CDH23: variants seen among roughly 807,000 people sequenced by gnomAD.
CDH23 encodes cadherin related 23, also known as cadherin-23.
CDH23 carries 189 observed loss-of-function variants against 317.1 expected under a neutral mutation model. The observed-to-expected ratio is 0.60, with a 90% CI of 0.53 to 0.67. CDH23 has a LOEUF of 0.67. Ranked by LOEUF, CDH23 falls within the 30% of genes least tolerant of loss-of-function variation. CDH23 has a pLI of 0.00. For synonymous variants in CDH23, 1,839 were observed against 1,876.8 expected (o/e 0.98, Z 0.52); for missense variants, 4,401 against 4,592.4 (o/e 0.96, Z 1.20).
Position 71,668,052 on chromosome 10 carries a change from G to C in CDH23, c.1450-7060G>C, listed in dbSNP as rs113913198. ...CCTGCACAGACCAAGACCAAGCCTG[G>C]GATGGGGTGGAGTCCTTCTTTAAGG... On this transcript the variant is annotated intron_variant, in intron 14 of 69. Coordinates refer to ENST00000224721, the MANE Select transcript of CDH23 (RefSeq NM_022124.6). 1.9e-3 allele frequency among the ~76,000 whole-genome samples: 287 copies of C among 152,236 alleles called. 1 individual carries two copies. The highest frequency in any genetic ancestry group is 6.6e-3 in the African/African-American group (275 of 41,534).
intron 3 of CDH23, among the ~76,000 whole-genome samples, chr10:71,458,246 A>T (rs1465818543): frequency 6.6e-6 from 1 of 152,234 alleles, no homozygotes; most frequent in Non-Finnish European, 1.5e-5. Context: ...GCCCTTGACC[A>T]AGAAAGGGCT....
At chr10:71,569,114 C>G (rs1042668056) in intron 7 of CDH23, among the ~76,000 whole-genome samples, 1 of 152,202 alleles carries the variant, frequency 6.6e-6, no homozygotes, top group Non-Finnish European at 1.5e-5. Context: ...TGGGCAGTGC[C>G]CAAGCCTGCC....
intron 6 of CDH23, 146 bp downstream of exon 6, chr10:71,511,358 G>T (rs1853974509): frequency 2.6e-6 from 2 of 765,966 alleles, no homozygotes; most frequent in South Asian, 3.0e-5. Context: ...GAGCAGGTTG[G>T]CGAACATGCT....
At chr10:71,631,961 T>C (rs372878613) in intron 11 of CDH23, among the ~76,000 whole-genome samples, 2 of 152,094 alleles carry the variant, frequency 1.3e-5, no homozygotes, top group South Asian at 2.1e-4. Context: ...AGAGAACAGG[T>C]CAGAGGTGGC....
intron 3 of CDH23, among the ~76,000 whole-genome samples, chr10:71,469,631 G>C (rs1851415896): frequency 6.6e-6 from 1 of 151,652 alleles, no homozygotes; most frequent in Admixed American, 6.6e-5. Context: ...TTTGAGACAG[G>C]GTCTTGCTGT....
At chr10:71,706,256 C>T (rs1044712533) in intron 25 of CDH23, among the ~76,000 whole-genome samples, 1 of 152,162 alleles carries the variant, frequency 6.6e-6, no homozygotes, top group East Asian at 1.9e-4. Context: ...GCGGAGTAAA[C>T]ACATCTGTAA....
chr10:71,596,286 C>A (rs10762457), intron 9 of CDH23, among the ~76,000 whole-genome samples: 44 of 152,034 alleles, frequency 2.9e-4, no homozygotes, highest in African/African-American at 1.1e-3. Context: ...TATCAATATC[C>A]CCATTTCACA....
intron 11 of CDH23, among the ~76,000 whole-genome samples, chr10:71,630,455 C>G (rs886564366): frequency 6.6e-6 from 1 of 152,114 alleles, no homozygotes; most frequent in Non-Finnish European, 1.5e-5. Flanking sequence ...AGCGGTCAGC[C>G]GCTGGATCTG....
chr10:71,397,776 A>C lies in CDH23; in HGVS notation c.-6+458A>C, dbSNP rs1847590984. 2.0e-5 allele frequency among the ~76,000 whole-genome samples: 3 copies of C among 151,910 alleles called. 1 individual carries two copies. In the South Asian group the frequency reaches 6.2e-4, roughly 32 times the overall value. ...TGGGGATGGGGTGGGGCGCACCCCT[A>C]CTGCGGGCTGGGCAGAGGCGCTGAG... On this transcript the variant is annotated intron_variant, in intron 1 of 69. Coordinates refer to ENST00000224721, the MANE Select transcript of CDH23 (RefSeq NM_022124.6). This position sits in a 1 kb window ranked among gnomAD's most constrained non-coding sequence, Gnocchi z 4.8.
intron 6 of CDH23, among the ~76,000 whole-genome samples, chr10:71,562,436 T>C (rs967954704): frequency 2.6e-5 from 4 of 152,194 alleles, no homozygotes; most frequent in Non-Finnish European, 5.9e-5. Context: ...ACTTCCAGCC[T>C]CGGGTGGCGG....
At chr10:71,709,427 C>T (rs930925135) in intron 27 of CDH23, among the ~76,000 whole-genome samples, 11 of 152,164 alleles carry the variant, frequency 7.2e-5, no homozygotes, top group Non-Finnish European at 1.6e-4. Context: ...AAGGTGGGAG[C>T]TACATGGGAG....
chr10:71,687,390 T>C (rs1864951353), intron 18 of CDH23, among the ~76,000 whole-genome samples: 1 of 152,020 alleles, frequency 6.6e-6, no homozygotes, highest in South Asian at 2.1e-4. Context: ...GCCGGCACAC[T>C]CCCTCTTCCT....
intron 2 of CDH23, among the ~76,000 whole-genome samples, chr10:71,440,827 A>G (rs1421101195): frequency 6.6e-6 from 1 of 152,182 alleles, no homozygotes; most frequent in Non-Finnish European, 1.5e-5. Context: ...AGCCGTGGGC[A>G]TGGTGTACCT....
At chr10:71,680,349 G>A (rs771635082) in intron 17 of CDH23, among the ~76,000 whole-genome samples, 1 of 152,192 alleles carries the variant, frequency 6.6e-6, no homozygotes, top group Admixed American at 6.5e-5. Flanking sequence ...TGGGTTAGGT[G>A]CCCCCAGGGC....
chr10:71,455,688 G>A (rs944981696), intron 3 of CDH23, among the ~76,000 whole-genome samples: 1 of 152,206 alleles, frequency 6.6e-6, no homozygotes, highest in African/African-American at 2.4e-5. Context: ...CAGGTGCTAA[G>A]GAAGAAGAAC....
At chr10:71,486,658 C>A (rs1852363432) in intron 3 of CDH23, among the ~76,000 whole-genome samples, 2 of 152,166 alleles carry the variant, frequency 1.3e-5, no homozygotes, top group African/African-American at 4.8e-5. Context: ...CAGGCCATAG[C>A]CACAGTTGCA....
intron 6 of CDH23, among the ~76,000 whole-genome samples, chr10:71,529,764 C>T (rs916767235): frequency 1.3e-5 from 2 of 152,206 alleles, no homozygotes; most frequent in Middle Eastern, 3.4e-3. Context: ...TGGCTCCCGG[C>T]CACCTGAGCC....
rs184325122 is a variant in CDH23, at chr10:71,787,119, C to T, written c.5820+1381C>T. On this transcript the variant is annotated intron_variant, in intron 44 of 69. Transcript: ENST00000224721. ...AGGGCAACAGGAAGGCCTTGAAGGTCGAGAAACAGGACTCATCTTCCCGCC... is the reference window on the plus strand; with the variant it reads ...AGGGCAACAGGAAGGCCTTGAAGGTTGAGAAACAGGACTCATCTTCCCGCC... 1.2e-3 allele frequency among the ~76,000 whole-genome samples: 177 copies of T among 152,176 alleles called. No homozygotes were observed. The South Asian group carries it at 0.016, about 14-fold the overall frequency.
At chr10:71,627,799 G>T (rs995326414) in intron 11 of CDH23, among the ~76,000 whole-genome samples, 3 of 152,238 alleles carry the variant, frequency 2.0e-5, no homozygotes, top group Non-Finnish European at 4.4e-5. Flanking sequence ...ACCATGGGAA[G>T]TAGTGAGAAT....
Sources: allele counts gnomAD v4.1 joint callset (sites outside exome capture counted in the v4.1 genomes callset), GRCh38; gene constraint gnomAD v4.1.1; non-coding constraint Gnocchi (gnomAD v3.1); transcripts MANE v1.5; gene names NCBI Gene and HGNC (gene_info 2026-07-23, HGNC 2026-07-21).